The following SLC10A7 variants were observed in gnomAD, a reference collection of about 807,000 sequenced individuals.
SLC10A7 encodes the protein solute carrier family 10 member 7.
A neutral mutation model predicts 43.2 loss-of-function variants in SLC10A7; 29 were observed. That is an observed-to-expected ratio of 0.67 (90% CI 0.50 to 0.92). SLC10A7 has a LOEUF of 0.92. Among genes scored for constraint, SLC10A7 ranks in the 40% least tolerant of loss-of-function variants. SLC10A7 has a pLI of 0.00. For missense variants in SLC10A7, 295 were observed against 403.2 expected, an observed-to-expected ratio of 0.73 and a Z score of 2.30; for synonymous variants, 152 against 144.8, an observed-to-expected ratio of 1.05 and a Z score of -0.35.
At chr4:146,303,536 CCCA>C (rs1363782977) in intron 7 of SLC10A7, among the ~76,000 whole-genome samples, 4 of 151,876 alleles carry the variant, frequency 2.6e-5, no homozygotes. Flanking sequence ...CACCACCACA[CCCA>C]GCCAATTTTT....
intron 4 of SLC10A7, among the ~76,000 whole-genome samples, chr4:146,452,630 G>A (rs1731691582): frequency 6.6e-6 from 1 of 151,946 alleles, no homozygotes; most frequent in Admixed American, 6.6e-5. Context: ...TTTCACTGAA[G>A]AGCCCTCATT....
intron 5 of SLC10A7, among the ~76,000 whole-genome samples, chr4:146,390,502 C>A (rs963439337): frequency 6.6e-6 from 1 of 152,060 alleles, no homozygotes. Context: ...TGGAGGTGCA[C>A]ACCTGTAGTC....
chr4:146,436,168 G>T (rs1456242389), intron 5 of SLC10A7, among the ~76,000 whole-genome samples: 1 of 152,074 alleles, frequency 6.6e-6, no homozygotes, highest in Non-Finnish European at 1.5e-5. Context: ...CAAGAAAAAT[G>T]ATCACTGTGA....
intron 4 of SLC10A7, among the ~76,000 whole-genome samples, chr4:146,477,658 C>A (rs946388151): frequency 6.6e-6 from 1 of 152,074 alleles, no homozygotes; most frequent in Non-Finnish European, 1.5e-5. Context: ...AGAAAGAGGT[C>A]AACTATTAAT....
intron 4 of SLC10A7, among the ~76,000 whole-genome samples, chr4:146,487,244 C>A (rs555753070): frequency 2.0e-5 from 3 of 152,318 alleles, no homozygotes; most frequent in African/African-American, 7.2e-5. Flanking sequence ...ACCCGTGAGC[C>A]TGACTCAAGC....
chr4:146,317,159 A>T (rs1449637317), intron 6 of SLC10A7, among the ~76,000 whole-genome samples: 1 of 152,122 alleles, frequency 6.6e-6, no homozygotes, highest in African/African-American at 2.4e-5. Flanking sequence ...AATAAAGAAT[A>T]TGTCTCTGAA....
In SLC10A7 at chr4:146,363,616, C is replaced by G. The variant is rs78376530; in HGVS notation, c.436-37620G>C. ...ACCATGTGGTAGGCCACAAACAAAT[C>G]TCAAACAATTTAAAAAAATGAAATC... On this transcript the variant is annotated intron_variant, in intron 5 of 11. Coordinates refer to ENST00000335472, the MANE Select transcript of SLC10A7 (RefSeq NM_001029998.6). 6.8e-3 allele frequency among the ~76,000 whole-genome samples: 1,038 copies of G among 152,216 alleles called. 17 individuals carry two copies. The highest frequency in any genetic ancestry group is 0.024 in the African/African-American group (988 of 41,554).
chr4:146,450,014 T>G (rs1002807115), intron 4 of SLC10A7, among the ~76,000 whole-genome samples: 46 of 152,222 alleles, frequency 3.0e-4, no homozygotes, highest in African/African-American at 1.0e-3. Flanking sequence ...AGAAGGCATT[T>G]CAGGTATATA....
At chr4:146,425,867 T>C (rs531817081) in intron 5 of SLC10A7, among the ~76,000 whole-genome samples, 3 of 152,208 alleles carry the variant, frequency 2.0e-5, no homozygotes, top group East Asian at 1.9e-4. Flanking sequence ...CCATTTCCAA[T>C]AGCCTGATAG....
intron 4 of SLC10A7, among the ~76,000 whole-genome samples, chr4:146,503,633 T>A (rs1286242860): frequency 6.6e-6 from 1 of 152,218 alleles, no homozygotes; most frequent in African/African-American, 2.4e-5. Context: ...TCTATTTCAC[T>A]CATTTCCCTT....
At chr4:146,292,848 G>C in intron 9 of SLC10A7, 81 bp downstream of exon 9, 1 of 959,374 alleles carries the variant, frequency 1.0e-6, no homozygotes, top group Non-Finnish European at 1.6e-6. Flanking sequence ...AAATATAAAC[G>C]TGTATAGTGG....
At chr4:146,326,807 A>G (rs1733140974) in intron 5 of SLC10A7, among the ~76,000 whole-genome samples, 1 of 152,074 alleles carries the variant, frequency 6.6e-6, no homozygotes, top group Admixed American at 6.5e-5. Context: ...TTTCATTATG[A>G]TTTATACCAG....
chr4:146,443,843 T>A (rs1262471561), intron 4 of SLC10A7, among the ~76,000 whole-genome samples: 1 of 152,192 alleles, frequency 6.6e-6, no homozygotes, highest in East Asian at 1.9e-4. Context: ...CCTATTCCAG[T>A]TCATAATTAA....
chr4:146,354,915 G>A (rs1413533625), intron 5 of SLC10A7, among the ~76,000 whole-genome samples: 9 of 122,428 alleles, frequency 7.4e-5, no homozygotes, highest in Middle Eastern at 3.8e-3. Flanking sequence ...TTAAACGTTA[G>A]ACCTAAAACC....
chr4:146,450,455 C>A (rs1731484256), intron 4 of SLC10A7, among the ~76,000 whole-genome samples: 1 of 152,112 alleles, frequency 6.6e-6, no homozygotes, highest in African/African-American at 2.4e-5. Context: ...CCCACAGATA[C>A]CATGGGACAA....
intron 10 of SLC10A7, among the ~76,000 whole-genome samples, chr4:146,265,006 C>G (rs1205229443): frequency 6.6e-6 from 1 of 152,190 alleles, no homozygotes; most frequent in African/African-American, 2.4e-5. Context: ...AAGCCAATAC[C>G]CTGCTCAAGA....
At position 146,501,923 on chromosome 4, in the gene SLC10A7, C is replaced by T. The variant is rs117162851; in HGVS notation, c.396+1926G>A. Among the ~76,000 whole-genome samples the T allele has an allele frequency of 1.4e-3, 212 of 152,278 alleles. 4 individuals are homozygous for T. In the East Asian group the frequency reaches 0.036, roughly 26 times the overall value. On this transcript the variant is annotated intron_variant, in intron 4 of 11. Transcript: ENST00000335472. The stretch of plus-strand genomic sequence containing the variant: ...CCAATCACGTTTACTGTCTCCACTA[C>T]CATCCTGCTCTTCAAAAGGCACTGG...
intron 4 of SLC10A7, among the ~76,000 whole-genome samples, chr4:146,467,506 C>T (rs145389068): frequency 4.0e-5 from 6 of 148,352 alleles, no homozygotes; most frequent in African/African-American, 1.5e-4. Flanking sequence ...CAGGCACACA[C>T]AAATACTTTT....
At chr4:146,289,706 GTTTTTTTTTT>G (rs776153195) in intron 9 of SLC10A7, among the ~76,000 whole-genome samples, 2 of 88,072 alleles carry the variant, frequency 2.3e-5, no homozygotes, top group African/African-American at 4.7e-5. Flanking sequence ...CTGATTATTA[GTTTTTTTTTT>G]TTTTTTTTTT....
Sources: gnomAD v4.1 joint callset for allele counts (sites outside exome capture counted in the v4.1 genomes callset) on GRCh38, gnomAD v4.1.1 for gene constraint, MANE v1.5 for transcripts, NCBI Gene and HGNC (gene_info 2026-07-23, HGNC 2026-07-21) for gene names.